KIAA1217: variants seen among roughly 807,000 people sequenced by gnomAD.
The protein encoded by KIAA1217 is sickle tail protein homolog.
A neutral mutation model predicts 163.9 loss-of-function variants in KIAA1217; 88 were observed. That is an observed-to-expected ratio of 0.54 (90% CI 0.45 to 0.64). The LOEUF is 0.64. Ranked by LOEUF, KIAA1217 falls within the 30% of genes least tolerant of loss-of-function variation. The probability of loss-of-function intolerance (pLI) is 0.00; values close to 1 mark genes in which losing one functional copy is unlikely to be tolerated. For missense variants in KIAA1217, 2,372 were observed against 2,475.0 expected (o/e 0.96, Z 0.88); for synonymous variants, 903 against 923.1 (o/e 0.98, Z 0.39).
At chr10:24,275,366 G>A (rs1239641195) in intron 2 of KIAA1217, among the ~76,000 whole-genome samples, 4 of 152,246 alleles carry the variant, frequency 2.6e-5, no homozygotes, top group South Asian at 4.2e-4. Context: ...ACAAAAATGC[G>A]AAACTTGTGG....
intron 2 of KIAA1217, among the ~76,000 whole-genome samples, chr10:24,359,065 CT>C (rs2049542117): frequency 8.9e-6 from 1 of 112,164 alleles, no homozygotes; most frequent in African/African-American, 2.8e-5. Context: ...TTTTTCTTTT[CT>C]TTTCTTTCTT....
At chr10:24,142,072 G>GA (rs2064108418) in intron 2 of KIAA1217, among the ~76,000 whole-genome samples, 1 of 148,332 alleles carries the variant, frequency 6.7e-6, no homozygotes, top group Non-Finnish European at 1.5e-5. Flanking sequence ...AGATTTTTTT[G>GA]TTTTTTTTTT....
rs756523052 is a variant in KIAA1217, at chr10:24,286,427, TAC to T, written c.354+66531_354+66532del. ...GCTTAGTTTTAACAAATTATATACA[TAC>T]ACACACACACACGCATATATATATA... On this transcript the variant is annotated intron_variant, in intron 2 of 20. Coordinates refer to ENST00000376454, the MANE Select transcript of KIAA1217 (RefSeq NM_019590.5). Among the ~76,000 whole-genome samples the T allele has an allele frequency of 7.4e-4, 111 of 150,696 alleles. 1 individual carries two copies. The highest frequency in any genetic ancestry group is 1.1e-3 in the Non-Finnish European group (74 of 67,582).
At chr10:24,254,905 G>A (rs1441220411) in intron 2 of KIAA1217, among the ~76,000 whole-genome samples, 1 of 151,430 alleles carries the variant, frequency 6.6e-6, no homozygotes, top group Non-Finnish European at 1.5e-5. Flanking sequence ...CCAGGCTGGA[G>A]TGCAATGACG....
At chr10:24,032,581 A>G (rs1326242784) in intron 2 of KIAA1217, among the ~76,000 whole-genome samples, 1 of 152,142 alleles carries the variant, frequency 6.6e-6, no homozygotes. Context: ...AGAACTATGT[A>G]AGTCTCATTA....
At chr10:23,748,762 G>A (rs1432833047) in intron 1 of KIAA1217, among the ~76,000 whole-genome samples, 1 of 152,048 alleles carries the variant, frequency 6.6e-6, no homozygotes, top group East Asian at 1.9e-4. Context: ...TGAGGTTCAT[G>A]CTGTCTGGTT....
chr10:24,503,510 G>GA (rs1292166944), intron 9 of KIAA1217, among the ~76,000 whole-genome samples: 2 of 152,212 alleles, frequency 1.3e-5, no homozygotes, highest in Admixed American at 6.5e-5. Context: ...AACAGCAAGT[G>GA]AAATGGAGGA....
intron 2 of KIAA1217, among the ~76,000 whole-genome samples, chr10:24,071,613 A>T (rs2061189202): frequency 1.3e-5 from 2 of 152,202 alleles, no homozygotes; most frequent in African/African-American, 4.8e-5. Context: ...TCAGTGATCT[A>T]TGTTGCCAAA....
intron 2 of KIAA1217, among the ~76,000 whole-genome samples, chr10:24,239,495 C>CTTTTTTTTTTTTTTTTT (rs34650424): frequency 7.4e-6 from 1 of 134,746 alleles, no homozygotes; most frequent in Non-Finnish European, 1.6e-5. Context: ...TTTTTAAGGG[C>CTTTTTTTTTTTTTTTTT]TTTTTTTTTT....
chr10:23,724,637 C>T lies in KIAA1217; in HGVS notation c.-321+29403C>T, dbSNP rs569627411. On this transcript the variant is annotated intron_variant, in intron 1 of 18. Coordinates refer to the KIAA1217 transcript ENST00000376462. ...TCTCTCAAATTTTACCCCTAAATAT[C>T]CCTAAAGGCAAAAGAGAATGAAGGA... is the stretch of plus-strand genomic sequence containing the variant. 4.6e-5 allele frequency among the ~76,000 whole-genome samples: 7 copies of T among 152,212 alleles called. No homozygotes were observed. The South Asian group carries it at 1.0e-3, about 23-fold the overall frequency.
At chr10:23,805,142 G>A (rs943495617) in intron 1 of KIAA1217, among the ~76,000 whole-genome samples, 3 of 152,018 alleles carry the variant, frequency 2.0e-5, no homozygotes, top group Admixed American at 6.6e-5. Flanking sequence ...AATACCATTC[G>A]ACCTAGCAAT....
chr10:24,379,507 G>C (rs914027792), intron 2 of KIAA1217, among the ~76,000 whole-genome samples: 2 of 152,142 alleles, frequency 1.3e-5, no homozygotes, highest in African/African-American at 2.4e-5. Context: ...AGGGCGGAAG[G>C]TACTGACCTT....
Position 23,840,037 on chromosome 10 carries a change from A to C in KIAA1217, c.-321+144803A>C, listed in dbSNP as rs112642404. Among the ~76,000 whole-genome samples the C allele has an allele frequency of 4.8e-3, 731 of 152,218 alleles. 10 individuals are homozygous for C. Among genetic ancestry groups the C allele is most frequent in the African/African-American group, 0.016 (659 of 41,526 alleles). ...AGAGAAAGTTCTTAAACTTTCTGTG[A>C]TCCCTGGGCAGTGGTGGAAATTGCC... is the stretch of plus-strand genomic sequence containing the variant. On this transcript the variant is annotated intron_variant, in intron 1 of 18. Coordinates refer to the KIAA1217 transcript ENST00000376462.
chr10:24,537,134 C>T (rs2074135754), intron 17 of KIAA1217, among the ~76,000 whole-genome samples: 1 of 152,078 alleles, frequency 6.6e-6, no homozygotes, highest in Admixed American at 6.6e-5. Flanking sequence ...CACTATCTTC[C>T]CAAACTAAAG....
intron 2 of KIAA1217, among the ~76,000 whole-genome samples, chr10:24,246,934 A>T (rs1190802707): frequency 2.6e-5 from 4 of 151,972 alleles, no homozygotes; most frequent in Non-Finnish European, 5.9e-5. Flanking sequence ...GAATCACTGG[A>T]ACCCGATGGC....
intron 1 of KIAA1217, among the ~76,000 whole-genome samples, chr10:23,790,058 T>C (rs1564421503): frequency 2.5e-5 from 3 of 119,628 alleles, no homozygotes; most frequent in African/African-American, 3.5e-5. Context: ...TATACACATA[T>C]ACACATATGC....
intron 1 of KIAA1217, among the ~76,000 whole-genome samples, chr10:24,210,575 A>C (rs1589928091): frequency 6.6e-6 from 1 of 151,908 alleles, no homozygotes; most frequent in African/African-American, 2.4e-5. Flanking sequence ...TTAGAAAGGG[A>C]TCCATTTAAG....
intron 2 of KIAA1217, among the ~76,000 whole-genome samples, chr10:24,071,091 GAGAATAA>G (rs1364639050): frequency 6.6e-6 from 1 of 152,146 alleles, no homozygotes; most frequent in Non-Finnish European, 1.5e-5. Flanking sequence ...GCATCATCAA[GAGAATAA>G]GAACTTCCCT....
chr10:23,887,806 AC>A (rs1222924886), intron 1 of KIAA1217, among the ~76,000 whole-genome samples: 1 of 151,886 alleles, frequency 6.6e-6, no homozygotes, highest in African/African-American at 2.4e-5. Context: ...TGCAACCTCC[AC>A]CCCCAGAGAA....
Sources: gnomAD v4.1 joint callset for allele counts (sites outside exome capture counted in the v4.1 genomes callset) on GRCh38, gnomAD v4.1.1 for gene constraint, MANE v1.5 for transcripts, NCBI Gene and HGNC (gene_info 2026-07-23, HGNC 2026-07-21) for gene names.